SLIT2: variants seen among roughly 807,000 people sequenced by gnomAD.
The protein encoded by SLIT2 is slit homolog 2 protein.
Under a neutral mutation model 185.7 loss-of-function variants are expected in SLIT2, and 41 were observed. That is an observed-to-expected ratio of 0.22 (90% CI 0.17 to 0.29). The LOEUF is 0.29. Ranked by LOEUF, SLIT2 falls within the 10% of genes least tolerant of loss-of-function variation. SLIT2 has a pLI of 1.00. For missense variants in SLIT2, 1,571 were observed against 1,909.0 expected (o/e 0.82, Z 3.30); for synonymous variants, 693 against 680.2 (o/e 1.02, Z -0.29).
chr4:20,568,182 C>G (rs528670824), intron 28 of SLIT2, among the ~76,000 whole-genome samples: 1 of 152,164 alleles, frequency 6.6e-6, no homozygotes, highest in East Asian at 1.9e-4. Flanking sequence ...AATAATGTCA[C>G]ATAAGAATGC....
rs1412618001 is a variant in SLIT2 at position 20,472,555 on chromosome 4, GATATATATCTAT to G, written c.467+4738_467+4749del. Reference sequence around the variant, plus strand: ...ATAGATATATCTATATCTATATATAGATATATATCTATATATAGATATATCTATATATAGATA... The same window carrying G: ...ATAGATATATCTATATCTATATATAGATATAGATATATCTATATATAGATA... On this transcript the variant is annotated intron_variant, in intron 5 of 36. Transcript: ENST00000504154. Among the ~76,000 whole-genome samples the G allele has an allele frequency of 3.3e-4, 2 of 6,036 alleles. 1 individual carries two copies. The highest frequency in any genetic ancestry group is 5.3e-4 in the Non-Finnish European group (2 of 3,762). 4.0% of individuals were successfully genotyped at this position (6,036 alleles called of 152,430 possible).
chr4:20,515,592 GGTA>G (rs1472902813), intron 11 of SLIT2, among the ~76,000 whole-genome samples: 4 of 151,996 alleles, frequency 2.6e-5, no homozygotes, highest in Non-Finnish European at 5.9e-5. Flanking sequence ...AAAATTAAAA[GGTA>G]GCACCTCTGT....
intron 33 of SLIT2, among the ~76,000 whole-genome samples, chr4:20,607,489 A>T (rs78926187): frequency 1.0e-3 from 155 of 152,284 alleles, no homozygotes; most frequent in African/African-American, 3.5e-3. Context: ...AAATTAGCTT[A>T]CAATTAGCAA....
chr4:20,512,244 C>G (rs567152121), intron 11 of SLIT2, among the ~76,000 whole-genome samples: 2 of 152,006 alleles, frequency 1.3e-5, no homozygotes, highest in African/African-American at 2.4e-5. Context: ...TACACATGTG[C>G]GAGACCCAGA....
At chr4:20,511,593 T>TTTTTTTTTTA (rs1553915384) in intron 11 of SLIT2, among the ~76,000 whole-genome samples, 1 of 134,310 alleles carries the variant, frequency 7.4e-6, no homozygotes, top group Non-Finnish European at 1.6e-5. Flanking sequence ...GCTAATTTTT[T>TTTTTTTTTTA]TTTTTTTTTT....
intron 4 of SLIT2, among the ~76,000 whole-genome samples, chr4:20,348,422 A>G (rs1288633230): frequency 6.8e-6 from 1 of 146,956 alleles, no homozygotes; most frequent in Non-Finnish European, 1.5e-5. Flanking sequence ...TTTTTAATAT[A>G]TTTTTAGTAG....
intron 4 of SLIT2, among the ~76,000 whole-genome samples, chr4:20,366,573 A>AT (rs1253059472): frequency 1.3e-5 from 2 of 152,088 alleles, no homozygotes; most frequent in Non-Finnish European, 2.9e-5. Context: ...ATGCAAAATA[A>AT]TAAGTACTTA....
At position 20,539,451 on chromosome 4, in the gene SLIT2, A is replaced by G. The variant is rs1722602462; in HGVS notation, c.1843A>G (p.Ser615Gly). ...LESLKTLMLR[S>G]NRITCVGNDS... Reference sequence around the variant, plus strand: ...TTTTTTTCCCCTCAGGATGTTGAGAAGCAATCGAATAACCTGTGTGGGGAA... The same window carrying G: ...TTTTTTTCCCCTCAGGATGTTGAGAGGCAATCGAATAACCTGTGTGGGGAA... Residue 615 changes from serine to glycine, a missense_variant, in exon 19 of 37, where the codon AGC becomes GGC. Coordinates refer to ENST00000504154, the MANE Select transcript of SLIT2 (RefSeq NM_004787.4). 2.5e-6 allele frequency: 4 copies of G among 1,611,852 alleles called. No individual in the cohort carries two copies. Among genetic ancestry groups the G allele is most frequent in the African/African-American group, 1.3e-5 (1 of 74,770 alleles).
intron 4 of SLIT2, among the ~76,000 whole-genome samples, chr4:20,451,466 T>C (rs1449563400): frequency 6.6e-6 from 1 of 152,162 alleles, no homozygotes; most frequent in African/African-American, 2.4e-5. Flanking sequence ...TTTTAAGATA[T>C]AAAAAAATTT....
intron 4 of SLIT2, among the ~76,000 whole-genome samples, chr4:20,295,582 T>A (rs1716374918): frequency 1.3e-5 from 2 of 152,134 alleles, no homozygotes; most frequent in Non-Finnish European, 2.9e-5. Context: ...ACTCCTTCAT[T>A]GCCAATTAAT....
chr4:20,516,308 A>C (rs989916893), intron 11 of SLIT2, among the ~76,000 whole-genome samples: 31 of 152,172 alleles, frequency 2.0e-4, no homozygotes, highest in Non-Finnish European at 2.6e-4. Flanking sequence ...ACAACAACAA[A>C]AAAATCTCTA....
At chr4:20,435,106 G>A (rs137885343) in intron 4 of SLIT2, among the ~76,000 whole-genome samples, 75 of 152,124 alleles carry the variant, frequency 4.9e-4, no homozygotes, top group African/African-American at 1.6e-3. Flanking sequence ...AAAATGTTTG[G>A]CAACATTGCT....
intron 4 of SLIT2, among the ~76,000 whole-genome samples, chr4:20,302,693 A>G (rs1361544275): frequency 6.6e-6 from 1 of 152,206 alleles, no homozygotes; most frequent in Non-Finnish European, 1.5e-5. Flanking sequence ...TGACTGTGCA[A>G]TCCAGTGACC....
chr4:20,416,801 T>C (rs1727726590), intron 4 of SLIT2, among the ~76,000 whole-genome samples: 1 of 152,216 alleles, frequency 6.6e-6, no homozygotes, highest in Non-Finnish European at 1.5e-5. Context: ...AACAAGTCTT[T>C]CATTCAGTTC....
At chr4:20,425,543 G>T (rs1298806986) in intron 4 of SLIT2, among the ~76,000 whole-genome samples, 1 of 152,074 alleles carries the variant, frequency 6.6e-6, no homozygotes, top group African/African-American at 2.4e-5. Flanking sequence ...AGAGAACAAG[G>T]ATCCCGTTTA....
chr4:20,540,964 A>G (rs1464093520), intron 19 of SLIT2, among the ~76,000 whole-genome samples: 4 of 152,214 alleles, frequency 2.6e-5, no homozygotes, highest in Non-Finnish European at 4.4e-5. Flanking sequence ...TGGGAAACCT[A>G]TTCTCTAGAG....
At chr4:20,504,647 T>C (rs1370323066) in intron 9 of SLIT2, among the ~76,000 whole-genome samples, 1 of 152,130 alleles carries the variant, frequency 6.6e-6, no homozygotes, top group Non-Finnish European at 1.5e-5. Flanking sequence ...TTTAAAAACA[T>C]GATTTGGGAC....
intron 4 of SLIT2, among the ~76,000 whole-genome samples, chr4:20,417,437 TATATATATATATATATATATAC>T (rs908913371): frequency 6.3e-5 from 4 of 63,396 alleles, no homozygotes; most frequent in Non-Finnish European, 1.0e-4. Flanking sequence ...TGTGTGTGTG[TATATATATATATATATATATAC>T]GTATATATAT....
At chr4:20,304,350 G>C (rs759139262) in intron 4 of SLIT2, among the ~76,000 whole-genome samples, 1 of 152,126 alleles carries the variant, frequency 6.6e-6, no homozygotes, top group Non-Finnish European at 1.5e-5. Context: ...GTGGAAATAG[G>C]TAATACAGAG....
Sources: allele counts gnomAD v4.1 joint callset (sites outside exome capture counted in the v4.1 genomes callset), GRCh38; gene constraint gnomAD v4.1.1; transcripts MANE v1.5; gene names NCBI Gene and HGNC (gene_info 2026-07-23, HGNC 2026-07-21).